The following GLCE variants were observed in gnomAD, a reference collection of about 807,000 sequenced individuals.
GLCE encodes glucuronic acid epimerase, also known as D-glucuronyl C5-epimerase.
Under a neutral mutation model 47.9 loss-of-function variants are expected in GLCE, and 19 were observed. The ratio of observed to expected loss-of-function variants is 0.40; its 90% CI spans 0.28 to 0.58. The LOEUF (loss-of-function observed/expected upper bound fraction) is 0.58, where lower values mean the gene tolerates loss of function less well. GLCE is among the 20% of genes least tolerant of loss of function. GLCE has a pLI of 0.48. For missense variants in GLCE, 556 were observed against 743.3 expected (o/e 0.75, Z 2.93); for synonymous variants, 245 against 263.4 (o/e 0.93, Z 0.68).
chr15:69,270,591 G>A lies in GLCE; in HGVS notation c.*1347G>A, dbSNP rs749169397. 2.0e-5 allele frequency: 3 copies of A among 152,094 alleles called. No individual in the cohort carries two copies. Among genetic ancestry groups the A allele is most frequent in the African/African-American group, 4.8e-5 (2 of 41,404 alleles). The allele number at this position is 152,094 out of a possible 1,614,324, so 9.4% of individuals were successfully genotyped here. ...TGATACCCTACACTTTCAGGGGACC[G>A]AGTCTGACAAACACAATACATTTAT... On this transcript the variant is annotated 3_prime_UTR_variant, in exon 5 of 5. Coordinates refer to ENST00000261858, the MANE Select transcript of GLCE (RefSeq NM_015554.3).
At chr15:69,161,977 T>C (rs978775281) in intron 1 of GLCE, among the ~76,000 whole-genome samples, 6 of 152,178 alleles carry the variant, frequency 3.9e-5, no homozygotes, top group Non-Finnish European at 5.9e-5. Flanking sequence ...AGATCTGTTC[T>C]GAAGTCTTGC....
intron 2 of GLCE, among the ~76,000 whole-genome samples, chr15:69,228,442 T>C (rs1018327550): frequency 6.6e-6 from 1 of 152,204 alleles, no homozygotes; most frequent in Admixed American, 6.5e-5. Context: ...AGGATGGTTT[T>C]AATCATTAGG....
At chr15:69,229,530 C>A (rs1487579728) in intron 2 of GLCE, among the ~76,000 whole-genome samples, 3 of 151,970 alleles carry the variant, frequency 2.0e-5, no homozygotes, top group African/African-American at 7.3e-5. Flanking sequence ...ATATAAAAGT[C>A]TTTTTTTCTC....
At chr15:69,204,728 T>G (rs773336546) in intron 1 of GLCE, among the ~76,000 whole-genome samples, 1 of 152,196 alleles carries the variant, frequency 6.6e-6, no homozygotes, top group Non-Finnish European at 1.5e-5. Context: ...TCTTTTATGA[T>G]ACCACTAAGC....
chr15:69,169,351 A>C (rs1181689678), intron 1 of GLCE, among the ~76,000 whole-genome samples: 1 of 152,240 alleles, frequency 6.6e-6, no homozygotes, highest in East Asian at 1.9e-4. Flanking sequence ...CGCTTCATTT[A>C]AATATATAAT....
In GLCE at chr15:69,250,805, T is replaced by TAA. The variant is rs35971019; in HGVS notation, c.-13-4972_-13-4971dup. The stretch of plus-strand genomic sequence containing the variant: ...GCAAGCACATGCCATTTTTTATAGT[T>TAA]AAAAAAAAAAAAAAAAAACAGCGTG... On this transcript the variant is annotated intron_variant, in intron 2 of 4. Transcript: ENST00000261858. Among the ~76,000 whole-genome samples the TAA allele has an allele frequency of 6.7e-3, 845 of 126,814 alleles. 5 individuals carry two copies. The highest frequency in any genetic ancestry group is 0.023 in the African/African-American group (798 of 35,428). 83.2% of individuals were successfully genotyped at this position (126,814 alleles called of 152,430 possible).
intron 1 of GLCE, among the ~76,000 whole-genome samples, chr15:69,166,271 T>A (rs914387465): frequency 6.6e-6 from 1 of 152,248 alleles, no homozygotes; most frequent in Non-Finnish European, 1.5e-5. Flanking sequence ...TCTACTAAGA[T>A]GCAGACTATG....
At chr15:69,191,549 C>T (rs2051913855) in intron 1 of GLCE, among the ~76,000 whole-genome samples, 1 of 152,158 alleles carries the variant, frequency 6.6e-6, no homozygotes, top group African/African-American at 2.4e-5. Flanking sequence ...TGTGACAACA[C>T]ATGTGAATAC....
chr15:69,215,830 C>T (rs2052299645), intron 2 of GLCE, among the ~76,000 whole-genome samples: 2 of 151,980 alleles, frequency 1.3e-5, no homozygotes, highest in Non-Finnish European at 2.9e-5. Flanking sequence ...TTTCTAATGA[C>T]TCATAATGTT....
chr15:69,267,531 C>G (rs180791090), intron 4 of GLCE, among the ~76,000 whole-genome samples: 5 of 152,204 alleles, frequency 3.3e-5, no homozygotes, highest in African/African-American at 1.2e-4. Context: ...ATTAGCACTT[C>G]TAGCAAGTAT....
At chr15:69,177,756 C>T (rs1392795811) in intron 1 of GLCE, among the ~76,000 whole-genome samples, 2 of 149,858 alleles carry the variant, frequency 1.3e-5, no homozygotes, top group African/African-American at 2.5e-5. Context: ...ACTTCATGCC[C>T]CTCCACACTC....
At position 69,256,167 on chromosome 15, in the gene GLCE, C is replaced by T. The variant is rs374762836; in HGVS notation, c.361C>T (p.Arg121Ter). The change falls in exon 3 of 5, where the codon CGA (arginine) becomes TGA (stop). Residue 121 changes from arginine to a stop codon, truncating the protein, a stop_gained. Transcript: ENST00000261858. LOFTEE classifies it high-confidence loss of function. ...INDEHTIKGRREGNEVFLPFT... is the reference protein window; with the variant it reads ...INDEHTIKGR Reference sequence around the variant, plus strand: ...TGATGAACACACAATTAAAGGGAGACGAGAGGGGAACGAAGTCTTTCTTCC... The same window carrying T: ...TGATGAACACACAATTAAAGGGAGATGAGAGGGGAACGAAGTCTTTCTTCC... 1 of 1,613,806 alleles carries T rather than the reference C, an allele frequency of 6.2e-7. No homozygotes were observed. The highest frequency in any genetic ancestry group is 1.1e-5 in the South Asian group (1 of 91,064).
chr15:69,244,839 T>G (rs1382897839), intron 2 of GLCE, among the ~76,000 whole-genome samples: 1 of 152,228 alleles, frequency 6.6e-6, no homozygotes, highest in Non-Finnish European at 1.5e-5. Flanking sequence ...TGCCTTAGTC[T>G]TTTCATCTAT....
intron 1 of GLCE, among the ~76,000 whole-genome samples, chr15:69,173,425 G>C (rs140749556): frequency 1.3e-5 from 2 of 152,330 alleles, no homozygotes; most frequent in East Asian, 3.9e-4. Context: ...AACATGAAGG[G>C]TTGGCACATG....
chr15:69,238,571 T>G (rs1453008045), intron 2 of GLCE, among the ~76,000 whole-genome samples: 1 of 152,210 alleles, frequency 6.6e-6, no homozygotes, highest in Non-Finnish European at 1.5e-5. Context: ...CCTTTCTCAT[T>G]GAAATGAATA....
At chr15:69,199,043 C>T (rs778379344) in intron 1 of GLCE, among the ~76,000 whole-genome samples, 7 of 152,144 alleles carry the variant, frequency 4.6e-5, no homozygotes, top group East Asian at 3.9e-4. Context: ...CAAGCACCCT[C>T]ATAACTGGTA....
intron 2 of GLCE, among the ~76,000 whole-genome samples, chr15:69,214,511 C>G (rs1184604063): frequency 6.6e-6 from 1 of 152,092 alleles, no homozygotes; most frequent in Non-Finnish European, 1.5e-5. Context: ...TGAGGCCTCC[C>G]CAGCCATGTT....
At chr15:69,247,552 A>T (rs1253484204) in intron 2 of GLCE, among the ~76,000 whole-genome samples, 1 of 152,176 alleles carries the variant, frequency 6.6e-6, no homozygotes, top group Non-Finnish European at 1.5e-5. Context: ...GAACTTTTCC[A>T]TTGCTATCAC....
At chr15:69,202,036 C>T (rs2052082708) in intron 1 of GLCE, among the ~76,000 whole-genome samples, 1 of 152,074 alleles carries the variant, frequency 6.6e-6, no homozygotes, top group Non-Finnish European at 1.5e-5. Flanking sequence ...CTTCCTACCT[C>T]AGCCTCCCAA....
Sources: gnomAD v4.1 joint callset for allele counts (sites outside exome capture counted in the v4.1 genomes callset) on GRCh38, gnomAD v4.1.1 for gene constraint, MANE v1.5 for transcripts, NCBI Gene and HGNC (gene_info 2026-07-23, HGNC 2026-07-21) for gene names.